Variants in GLCCI1 observed in about 807,000 individuals in gnomAD.
GLCCI1 encodes glucocorticoid induced 1, also known as glucocorticoid-induced transcript 1 protein.
A neutral mutation model predicts 52.2 loss-of-function variants in GLCCI1; 24 were observed. That is an observed-to-expected ratio of 0.46 (90% CI 0.33 to 0.65). The LOEUF is 0.65. GLCCI1 is among the 30% of genes least tolerant of loss of function. GLCCI1 has a pLI of 0.02. For synonymous variants in GLCCI1, 310 were observed against 276.5 expected (o/e 1.12, Z -1.20); for missense variants, 704 against 701.5 (o/e 1.00, Z -0.04).
chr7:8,003,431 G>C (rs141329700), intron 1 of GLCCI1, among the ~76,000 whole-genome samples: 1 of 152,282 alleles, frequency 6.6e-6, no homozygotes, highest in African/African-American at 2.4e-5. Flanking sequence ...TAAGATATTA[G>C]GCATTGAGGT....
At chr7:7,976,479 C>CAAAAAAAAAAAAAA (rs35255634) in intron 1 of GLCCI1, among the ~76,000 whole-genome samples, 1,645 of 24,428 alleles carry the variant, frequency 0.067, 230 homozygotes, top group African/African-American at 0.078. Flanking sequence ...AACTCCATCT[C>CAAAAAAAAAAAAAA]AAAAAAAAAA....
intron 1 of GLCCI1, among the ~76,000 whole-genome samples, chr7:7,994,288 G>A (rs1052900783): frequency 2.6e-5 from 4 of 152,022 alleles, no homozygotes; most frequent in African/African-American, 9.7e-5. Flanking sequence ...GAATATTATA[G>A]CTAGTTTATA....
chr7:8,043,050 A>G (rs749445375), intron 3 of GLCCI1, among the ~76,000 whole-genome samples: 4 of 152,212 alleles, frequency 2.6e-5, no homozygotes, highest in Admixed American at 2.0e-4. Flanking sequence ...ACGAGACAAG[A>G]GCTTCACCAT....
intron 6 of GLCCI1, among the ~76,000 whole-genome samples, chr7:8,083,793 C>A (rs1024639987): frequency 6.6e-6 from 1 of 152,188 alleles, no homozygotes; most frequent in African/African-American, 2.4e-5. Context: ...AAGACTCTAA[C>A]AAGCATTAGT....
intron 1 of GLCCI1, among the ~76,000 whole-genome samples, chr7:7,978,295 A>G (rs1006550381): frequency 6.6e-6 from 1 of 152,214 alleles, no homozygotes; most frequent in Non-Finnish European, 1.5e-5. Flanking sequence ...GTAATGTATT[A>G]TAAGGCTACC....
chr7:8,036,730 G>A (rs929740863), intron 3 of GLCCI1, among the ~76,000 whole-genome samples: 2 of 152,088 alleles, frequency 1.3e-5, no homozygotes, highest in African/African-American at 4.8e-5. Context: ...TTTTAGAAAT[G>A]AAAAATTCAT....
intron 4 of GLCCI1, among the ~76,000 whole-genome samples, chr7:8,057,615 A>C (rs895208592): frequency 6.6e-6 from 1 of 152,164 alleles, no homozygotes; most frequent in Admixed American, 6.5e-5. Context: ...AACAAACTGC[A>C]TACTTAAAAT....
intron 1 of GLCCI1, among the ~76,000 whole-genome samples, chr7:7,973,342 T>C (rs953069698): frequency 1.1e-4 from 16 of 151,908 alleles, no homozygotes; most frequent in East Asian, 1.9e-4. Flanking sequence ...CCAGAACCCA[T>C]GGATTTAAAC....
Position 7,969,742 on chromosome 7 carries a change from C to A in GLCCI1, c.392C>A (p.Ser131Tyr). Residue 131 changes from serine to tyrosine, a missense_variant, in exon 1 of 8, where the codon TCC becomes TAC. Physicochemically the swap from Ser to Tyr is moderately radical, Grantham distance 144. Coordinates refer to ENST00000223145, the MANE Select transcript of GLCCI1 (RefSeq NM_138426.4). The surrounding 1 kb of genome is among the most constrained non-coding windows in gnomAD (Gnocchi z 4.9). Reference sequence around the variant, plus strand: ...CGGGCCAAGGGCCGCCCGAGACGGTCCCCAGAGAGCCACCGGAGGAGCAGC... The same window carrying A: ...CGGGCCAAGGGCCGCCCGAGACGGTACCCAGAGAGCCACCGGAGGAGCAGC... ...APRAKGRPRR[S>Y]PESHRRSSSP... is the part of the protein sequence containing the mutation. The A allele has an allele frequency of 6.8e-7, 1 of 1,466,738 alleles. No homozygotes were observed. The highest frequency in any genetic ancestry group is 1.2e-5 in the South Asian group (1 of 80,300). The allele number at this position is 1,466,738 out of a possible 1,614,324, so 90.9% of individuals were successfully genotyped here.
chr7:8,022,991 A>G (rs947602586), intron 3 of GLCCI1, among the ~76,000 whole-genome samples: 2 of 152,132 alleles, frequency 1.3e-5, no homozygotes, highest in Non-Finnish European at 1.5e-5. Flanking sequence ...AGCTTTGTAC[A>G]ATGGTAGGAT....
Position 7,969,282 on chromosome 7 carries a change from A to C in GLCCI1, c.-69A>C. 1.8e-6 allele frequency: 2 copies of C among 1,122,118 alleles called. No homozygotes were observed. The highest frequency in any genetic ancestry group is 1.7e-5 in the South Asian group (1 of 59,140). The allele number at this position is 1,122,118 out of a possible 1,614,324, so 69.5% of individuals were successfully genotyped here. On this transcript the variant is annotated 5_prime_UTR_variant, in exon 1 of 8. Transcript: ENST00000223145. The surrounding 1 kb of genome is among the most constrained non-coding windows in gnomAD (Gnocchi z 4.9). ...CGCACGCACTATCGCGCCGGCTCCC[A>C]CACGCTCGCGCGCCTCCCGCCCCGC...
chr7:8,086,321 T>C lies in GLCCI1; in HGVS notation c.1427T>C (p.Met476Thr), dbSNP rs1227716992. ...LGPLLPASDL[M>T]LKNSPNSGQS... ...CCCCTCTTACCTGCTTCTGACCTTATGCTCAAGAACTCCCCTAACTCTGGC... is the reference window on the plus strand; with the variant it reads ...CCCCTCTTACCTGCTTCTGACCTTACGCTCAAGAACTCCCCTAACTCTGGC... Residue 476 changes from methionine to threonine, a missense_variant, in exon 8 of 8, where the codon ATG (methionine) becomes ACG (threonine). Physicochemically the swap from Met to Thr is moderately conservative, Grantham distance 81. This residue lies in a region of GLCCI1 where 149 missense variants were observed against 152.9 expected (regional missense o/e 0.97). Transcript: ENST00000223145. This position sits in a 1 kb window ranked among gnomAD's most constrained non-coding sequence, Gnocchi z 4.4. The C allele has an allele frequency of 6.2e-7, 1 of 1,614,108 alleles. No individual in the cohort carries two copies. The highest frequency in any genetic ancestry group is 2.2e-5 in the East Asian group (1 of 44,886).
intron 1 of GLCCI1, among the ~76,000 whole-genome samples, chr7:7,976,196 G>A (rs982718126): frequency 6.6e-6 from 1 of 152,074 alleles, no homozygotes; most frequent in African/African-American, 2.4e-5. Flanking sequence ...AGAAGCTAGT[G>A]GGCTGGGCGC....
intron 1 of GLCCI1, among the ~76,000 whole-genome samples, chr7:7,995,929 A>T (rs754023719): frequency 7.7e-4 from 118 of 152,318 alleles, no homozygotes; most frequent in Middle Eastern, 6.8e-3. Context: ...TTTAAGTTCA[A>T]TTAAAAAAAA....
At chr7:8,022,291 G>C (rs1314041900) in intron 2 of GLCCI1, among the ~76,000 whole-genome samples, 192 bp from the exon 3 acceptor site, 1 of 152,044 alleles carries the variant, frequency 6.6e-6, no homozygotes, top group African/African-American at 2.4e-5. Context: ...AGACATCTTT[G>C]AGCATATATA....
At chr7:7,973,680 G>C (rs1780401490) in intron 1 of GLCCI1, among the ~76,000 whole-genome samples, 1 of 152,026 alleles carries the variant, frequency 6.6e-6, no homozygotes, top group East Asian at 1.9e-4. Flanking sequence ...GCTAACTCTA[G>C]AGTGAAATTT....
chr7:7,971,745 A>G (rs1264455580), intron 1 of GLCCI1, among the ~76,000 whole-genome samples: 2 of 152,208 alleles, frequency 1.3e-5, no homozygotes, highest in Admixed American at 6.5e-5. Flanking sequence ...GGCTTAAACT[A>G]TTCTCTTTGT....
At chr7:8,008,794 G>T (rs38021) in intron 2 of GLCCI1, among the ~76,000 whole-genome samples, 63,104 of 151,906 alleles carry the variant, frequency 0.42, 13,412 homozygotes, top group Middle Eastern at 0.52. Context: ...TAAAAAATAA[G>T]ATGAATTGAT....
At position 8,055,425 on chromosome 7, in the gene GLCCI1, C is replaced by G. The variant is rs201112840; in HGVS notation, c.697-8C>G. On this transcript the variant is annotated splice_polypyrimidine_tract_variant and splice_region_variant and intron_variant, in intron 3 of 7. Transcript: ENST00000223145. ...TCTCTTCTTACTTCTCTTTCCCTGTCCCCAAAGCAGATCGCCAAACTGAGG... is the reference window on the plus strand; with the variant it reads ...TCTCTTCTTACTTCTCTTTCCCTGTGCCCAAAGCAGATCGCCAAACTGAGG... 7 of 1,579,974 alleles carry G rather than the reference C, an allele frequency of 4.4e-6. No individual in the cohort carries two copies. The highest frequency in any genetic ancestry group is 6.1e-6 in the Non-Finnish European group (7 of 1,149,380).
Sources: allele counts gnomAD v4.1 joint callset (sites outside exome capture counted in the v4.1 genomes callset), GRCh38; gene constraint gnomAD v4.1.1; regional missense constraint gnomAD v4.1.1; non-coding constraint Gnocchi (gnomAD v3.1); transcripts MANE v1.5; gene names NCBI Gene and HGNC (gene_info 2026-07-23, HGNC 2026-07-21).